LRGUK: variants seen among roughly 807,000 people sequenced by gnomAD.
LRGUK encodes leucine rich repeats and guanylate kinase domain containing, also known as leucine-rich repeat and guanylate kinase domain-containing protein.
Under a neutral mutation model 76.0 loss-of-function variants are expected in LRGUK, and 65 were observed. The ratio of observed to expected loss-of-function variants is 0.85; its 90% CI spans 0.70 to 1.05. The LOEUF is 1.05. Among genes scored for constraint, LRGUK ranks in the 50% least tolerant of loss-of-function variants. The pLI is 0.00. For missense variants in LRGUK, 758 were observed against 732.8 expected (o/e 1.03, Z -0.40); for synonymous variants, 268 against 265.6 (o/e 1.01, Z -0.09).
At chr7:134,145,285 T>C (rs1342245469) in intron 4 of LRGUK, among the ~76,000 whole-genome samples, 1 of 152,058 alleles carries the variant, frequency 6.6e-6, no homozygotes, top group Non-Finnish European at 1.5e-5. Context: ...CTCATGCTTG[T>C]TGCCCAGGCT....
exon 1 of LRGUK, chr7:134,127,433 A>G (rs1397303004): frequency 6.2e-7 from 1 of 1,613,766 alleles, no homozygotes; most frequent in East Asian, 2.2e-5. Flanking sequence ...GCTTGGGCAG[A>G]TCCCGAACTG....
intron 1 of LRGUK, among the ~76,000 whole-genome samples, chr7:134,135,896 A>G (rs1277481125): frequency 6.6e-6 from 1 of 152,060 alleles, no homozygotes; most frequent in African/African-American, 2.4e-5. Context: ...GACCTTGCGA[A>G]CCGCCCACCT....
chr7:134,261,086 G>T (rs1168804509), intron 19 of LRGUK, among the ~76,000 whole-genome samples: 1 of 152,142 alleles, frequency 6.6e-6, no homozygotes, highest in African/African-American at 2.4e-5. Context: ...TTCCTATAAA[G>T]TTATTTCAGC....
At chr7:134,193,168 G>C (rs1186004631) in intron 12 of LRGUK, among the ~76,000 whole-genome samples, 1 of 152,108 alleles carries the variant, frequency 6.6e-6, no homozygotes, top group Non-Finnish European at 1.5e-5. Flanking sequence ...TTTGTCAAAA[G>C]AACATCTTGG....
At position 134,132,978 on chromosome 7, in the gene LRGUK, G is replaced by T. The variant is rs146626500; in HGVS notation, c.298-4045G>T. ...AGAGATGGGCTAGTCAAGAAGGGGA[G>T]TTGAAAAGGGGCTGATGAAGAACGG... On this transcript the variant is annotated intron_variant, in intron 1 of 15. Transcript: ENST00000645682. 6.4e-3 allele frequency among the ~76,000 whole-genome samples: 968 copies of T among 152,316 alleles called. 5 individuals are homozygous for T. The highest frequency in any genetic ancestry group is 0.014 in the Middle Eastern group (4 of 294).
At chr7:134,250,066 G>A (rs1304976421) in intron 18 of LRGUK, among the ~76,000 whole-genome samples, 1 of 152,148 alleles carries the variant, frequency 6.6e-6, no homozygotes, top group East Asian at 1.9e-4. Context: ...AAACTCTTCA[G>A]AAGGGGGCTG....
intron 5 of LRGUK, among the ~76,000 whole-genome samples, chr7:134,149,883 C>A (rs538183288): frequency 1.3e-5 from 2 of 152,104 alleles, no homozygotes; most frequent in East Asian, 3.9e-4. Flanking sequence ...CATAGAAATG[C>A]AGATTCTTGG....
At chr7:134,209,023 T>A (rs964211243) in exon 16 of LRGUK, 4 of 399,176 alleles carry the variant, frequency 1.0e-5, no homozygotes, top group Non-Finnish European at 1.8e-5. Flanking sequence ...CGGAAGAGGA[T>A]GTCCAACAAT....
At chr7:134,130,691 C>T (rs1027810944) in intron 1 of LRGUK, among the ~76,000 whole-genome samples, 1 of 152,176 alleles carries the variant, frequency 6.6e-6, no homozygotes, top group African/African-American at 2.4e-5. Context: ...CTTTGCAATG[C>T]TATCATGGTC....
chr7:134,205,534 TC>T (rs1800967805), intron 15 of LRGUK, among the ~76,000 whole-genome samples: 2 of 152,176 alleles, frequency 1.3e-5, no homozygotes, highest in Non-Finnish European at 2.9e-5. Context: ...AAATGGGACC[TC>T]TAGAAATAAA....
chr7:134,264,785 T>G (rs1022803886), downstream of LRGUK, among the ~76,000 whole-genome samples: 2 of 152,220 alleles, frequency 1.3e-5, no homozygotes, highest in Admixed American at 6.5e-5. Flanking sequence ...TTGAGATACA[T>G]TCCTTTGTAC....
exon 17 of LRGUK, chr7:134,247,616 C>A: frequency 6.2e-7 from 1 of 1,613,350 alleles, no homozygotes; most frequent in East Asian, 2.2e-5. Context: ...GGGAAGGATA[C>A]GCCCTGATCA....
rs763936259 is a variant in LRGUK, at chr7:134,183,896, G to A, written c.1334+43G>A. On this transcript the variant is annotated intron_variant, in intron 11 of 15. Transcript: ENST00000645682. ...CTTGTTAAGACTTGGAAATTCATCC[G>A]AATTATTGGAGGTATCAATAGTTGT... is the stretch of plus-strand genomic sequence containing the variant. 1.5e-5 allele frequency: 24 copies of A among 1,605,998 alleles called. 1 individual carries two copies. In the Middle Eastern group the frequency reaches 6.6e-4, roughly 44 times the overall value.
exon 8 of LRGUK, chr7:134,174,588 A>C (rs1799404431): frequency 6.2e-7 from 1 of 1,609,584 alleles, no homozygotes; most frequent in Non-Finnish European, 8.5e-7. Context: ...AATACATTAA[A>C]AATTTACCCA....
chr7:134,187,442 G>A (rs749773368), intron 11 of LRGUK, among the ~76,000 whole-genome samples: 2 of 152,022 alleles, frequency 1.3e-5, no homozygotes, highest in South Asian at 4.2e-4. Context: ...TTTCTAAATT[G>A]CATTGACCCA....
chr7:134,203,387 G>A (rs887524063), intron 15 of LRGUK, among the ~76,000 whole-genome samples: 1 of 152,116 alleles, frequency 6.6e-6, no homozygotes, highest in African/African-American at 2.4e-5. Context: ...GTGACTTTTT[G>A]CCCAAATAGG....
intron 14 of LRGUK, among the ~76,000 whole-genome samples, chr7:134,199,776 C>T (rs1800671751): frequency 6.6e-6 from 1 of 151,320 alleles, no homozygotes. Flanking sequence ...TTATAATCTA[C>T]ACGTAGGTTA....
chr7:134,183,112 A>T (rs1020099976), intron 10 of LRGUK, among the ~76,000 whole-genome samples: 27 of 152,336 alleles, frequency 1.8e-4, no homozygotes, highest in African/African-American at 6.5e-4. Context: ...CTTGGCAGCC[A>T]AACCTACATT....
chr7:134,208,730 G>C, exon 16 of LRGUK: 2 of 399,000 alleles, frequency 5.0e-6, no homozygotes, highest in Non-Finnish European at 4.4e-6. Flanking sequence ...CAAGAAGACT[G>C]TCTCTGGGGT....
Sources: allele counts gnomAD v4.1 joint callset (sites outside exome capture counted in the v4.1 genomes callset), GRCh38; gene constraint gnomAD v4.1.1; transcripts MANE v1.5; gene names NCBI Gene and HGNC (gene_info 2026-07-23, HGNC 2026-07-21).